FKBP15: variants seen among roughly 807,000 people sequenced by gnomAD.
FKBP15 encodes FKBP prolyl isomerase family member 15, also known as FK506-binding protein 15.
A neutral mutation model predicts 158.1 loss-of-function variants in FKBP15; 106 were observed. The ratio of observed to expected loss-of-function variants is 0.67; its 90% CI spans 0.57 to 0.79. The LOEUF (loss-of-function observed/expected upper bound fraction) is 0.79. Ranked by LOEUF, FKBP15 falls within the 30% of genes least tolerant of loss-of-function variation. The pLI is 0.00. For missense variants in FKBP15, 1,287 were observed against 1,479.1 expected, an observed-to-expected ratio of 0.87 and a Z score of 2.13; for synonymous variants, 547 against 548.6, an observed-to-expected ratio of 1.00 and a Z score of 0.04.
rs1321065465 is a variant in FKBP15, at chr9:113,164,009, T to C, written c.*2069A>G. ...TCTGGATAGTTGAACCTCTTCACTT[T>C]ATAAAAAAGGAAAGAGAGAAAATCA... On this transcript the variant is annotated 3_prime_UTR_variant, in exon 28 of 28. Transcript: ENST00000238256. 1.3e-5 allele frequency: 2 copies of C among 152,618 alleles called. No individual in the cohort carries two copies. Among genetic ancestry groups the C allele is most frequent in the Admixed American group, 6.5e-5 (1 of 15,286 alleles). 9.5% of individuals were successfully genotyped at this position (152,618 alleles called of 1,614,324 possible).
At chr9:113,196,789 A>C in intron 9 of FKBP15, 143 bp downstream of exon 9, 1 of 994,222 alleles carries the variant, frequency 1.0e-6, no homozygotes, top group Non-Finnish European at 1.4e-6. Context: ...GCTATTTCTG[A>C]CTACTCCATT....
chr9:113,203,069 A>G (rs750477035), intron 4 of FKBP15, 34 bp from the exon 5 acceptor site: 54 of 1,393,982 alleles, frequency 3.9e-5, no homozygotes, highest in Middle Eastern at 1.8e-4. Context: ...GAAAAAAAAA[A>G]AGAGAGACAG....
chr9:113,208,134 C>G (rs949810729), intron 2 of FKBP15, among the ~76,000 whole-genome samples: 1 of 152,002 alleles, frequency 6.6e-6, no homozygotes, highest in African/African-American at 2.4e-5. Flanking sequence ...ACGAGGAGTT[C>G]GAGACCAGCC....
At chr9:113,183,728 C>T in intron 18 of FKBP15, 23 bp downstream of exon 18, 1 of 1,540,908 alleles carries the variant, frequency 6.5e-7, no homozygotes. Context: ...TCCATCCTAG[C>T]CAGGCCCCGT....
chr9:113,188,708 G>T (rs1279079596), intron 12 of FKBP15: 1 of 506,076 alleles, frequency 2.0e-6, no homozygotes, highest in South Asian at 2.6e-5. Flanking sequence ...TAATCATATT[G>T]AATAAGTAAA....
chr9:113,188,558 T>A, intron 12 of FKBP15, 67 bp from the exon 13 acceptor site: 1 of 1,330,320 alleles, frequency 7.5e-7, no homozygotes, highest in Non-Finnish European at 1.1e-6. Flanking sequence ...AGGCTGACTG[T>A]CTGCCCTAAA....
At chr9:113,199,700 C>T (rs1166399930) in intron 7 of FKBP15, 114 bp downstream of exon 7, 3 of 1,131,982 alleles carry the variant, frequency 2.7e-6, no homozygotes, top group Non-Finnish European at 3.7e-6. Context: ...AAGTGGGGAT[C>T]CTAAAATATT....
intron 12 of FKBP15, among the ~76,000 whole-genome samples, chr9:113,189,871 A>G (rs1192840497): frequency 6.6e-6 from 1 of 152,244 alleles, no homozygotes; most frequent in Non-Finnish European, 1.5e-5. Context: ...ATTTAGATCT[A>G]ATTATAAAAT....
chr9:113,184,429 G>A lies in FKBP15; in HGVS notation c.1609-30C>T. The A allele has an allele frequency of 6.7e-7, 1 of 1,488,492 alleles. No homozygotes were observed. 92.2% of individuals were successfully genotyped at this position (1,488,492 alleles called of 1,614,324 possible). A position where few individuals can be genotyped will look rare whatever the true frequency, so the allele number is the denominator to read the frequency against. ...AAAAGGGATACCAGAAAGACCTTGT[G>A]AGAAATTATAAAATGAAGAAATACA... On this transcript the variant is annotated intron_variant, in intron 16 of 27. Coordinates refer to ENST00000238256, the MANE Select transcript of FKBP15 (RefSeq NM_015258.2). The surrounding 1 kb of genome is among the most constrained non-coding windows in gnomAD (Gnocchi z 4.5).
At position 113,194,106 on chromosome 9, in the gene FKBP15, G is replaced by A; in HGVS notation, c.928C>T (p.Pro310Ser). The A allele has an allele frequency of 6.2e-7, 1 of 1,613,586 alleles. No individual in the cohort carries two copies. Among genetic ancestry groups the A allele is most frequent in the Non-Finnish European group, 8.5e-7 (1 of 1,179,638 alleles). The change falls in exon 10 of 28, where the codon CCG becomes TCG. Residue 310 changes from proline (P) to serine (S), a missense_variant. Physicochemically the swap from Pro to Ser is moderately conservative, Grantham distance 74 (BLOSUM62 -1). Coordinates refer to ENST00000238256, the MANE Select transcript of FKBP15 (RefSeq NM_015258.2). Reference protein sequence around the residue: ...HSVSSRDSAAPSPIPGADNLS... With the variant: ...HSVSSRDSAASSPIPGADNLS... ...TTGTCAGCACCAGGGATGGGAGACG[G>A]AGCTGCAGAATCGCGGGAACTAACA...
At chr9:113,211,355 TG>T in intron 2 of FKBP15, 121 bp downstream of exon 2, 1 of 637,220 alleles carries the variant, frequency 1.6e-6, no homozygotes, top group African/African-American at 1.9e-5. Context: ...GATGGGGTTT[TG>T]CCATCTTGGC....
At chr9:113,212,536 T>C (rs941537902) in intron 1 of FKBP15, among the ~76,000 whole-genome samples, 1 of 152,166 alleles carries the variant, frequency 6.6e-6, no homozygotes, top group Non-Finnish European at 1.5e-5. Flanking sequence ...CCAGTCCTTA[T>C]TTCACCTCAT....
intron 25 of FKBP15, among the ~76,000 whole-genome samples, chr9:113,170,273 G>A (rs146161122): frequency 0.016 from 2,489 of 152,100 alleles, 80 homozygotes; most frequent in African/African-American, 0.057. Context: ...CTACAGGCAC[G>A]TGCCACCATA....
At chr9:113,173,164 C>A (rs886135267) in intron 23 of FKBP15, among the ~76,000 whole-genome samples, 1 of 152,150 alleles carries the variant, frequency 6.6e-6, no homozygotes, top group African/African-American at 2.4e-5. Flanking sequence ...CTTTAACACA[C>A]TGGATGGAAT....
At chr9:113,181,691 T>C (rs1830399664) in intron 19 of FKBP15, among the ~76,000 whole-genome samples, 1 of 152,070 alleles carries the variant, frequency 6.6e-6, no homozygotes, top group Admixed American at 6.6e-5. Flanking sequence ...GAATAGTAAC[T>C]GTGAGGCCAA....
chr9:113,218,678 T>C (rs1831194558), intron 1 of FKBP15, among the ~76,000 whole-genome samples: 1 of 152,100 alleles, frequency 6.6e-6, no homozygotes, highest in Admixed American at 6.6e-5. Context: ...ACATTAAAAC[T>C]ACAGAACTGG....
At chr9:113,212,547 AC>A (rs1831030441) in intron 1 of FKBP15, among the ~76,000 whole-genome samples, 1 of 151,928 alleles carries the variant, frequency 6.6e-6, no homozygotes, top group African/African-American at 2.4e-5. Context: ...TTCACCTCAT[AC>A]CACCTTTTTA....
intron 10 of FKBP15, 102 bp downstream of exon 10, chr9:113,193,925 T>C (rs1830622547): frequency 7.5e-7 from 1 of 1,334,104 alleles, no homozygotes; most frequent in Non-Finnish European, 9.9e-7. Flanking sequence ...TTTCCAGTTA[T>C]TTAAAATTAT....
chr9:113,172,734 A>G (rs1205351557), intron 23 of FKBP15, among the ~76,000 whole-genome samples: 3 of 152,254 alleles, frequency 2.0e-5, no homozygotes, highest in African/African-American at 4.8e-5. Flanking sequence ...TTAGACATAA[A>G]CATTCAGCAT....
Sources: allele counts gnomAD v4.1 joint callset (sites outside exome capture counted in the v4.1 genomes callset), GRCh38; gene constraint gnomAD v4.1.1; non-coding constraint Gnocchi (gnomAD v3.1); transcripts MANE v1.5; gene names NCBI Gene and HGNC (gene_info 2026-07-23, HGNC 2026-07-21).